Variants in PCDH15 observed in about 807,000 individuals in gnomAD.
The protein encoded by PCDH15 is protocadherin-15.
A neutral mutation model predicts 178.5 loss-of-function variants in PCDH15; 129 were observed. The ratio of observed to expected loss-of-function variants is 0.72; its 90% CI spans 0.63 to 0.84. PCDH15 has a LOEUF of 0.84. Among genes scored for constraint, PCDH15 ranks in the 40% least tolerant of loss-of-function variants. PCDH15 has a pLI of 0.00. For synonymous variants in PCDH15, 800 were observed against 732.0 expected (o/e 1.09, Z -1.50); for missense variants, 2,230 against 2,099.9 (o/e 1.06, Z -1.21).
chr10:54,353,726 A>G (rs1353961992), intron 5 of PCDH15, among the ~76,000 whole-genome samples: 1 of 152,016 alleles, frequency 6.6e-6, no homozygotes, highest in African/African-American at 2.4e-5. Flanking sequence ...TTAACATAAT[A>G]TGGTTTTCAT....
At chr10:55,565,857 G>A (rs953070788) in intron 2 of PCDH15, among the ~76,000 whole-genome samples, 5 of 151,650 alleles carry the variant, frequency 3.3e-5, no homozygotes, top group Middle Eastern at 3.4e-3. Context: ...AATATCTCCT[G>A]ACAACAAAAG....
chr10:54,752,476 CAAAAAA>C (rs755874514), intron 1 of PCDH15, among the ~76,000 whole-genome samples: 2 of 89,716 alleles, frequency 2.2e-5, no homozygotes, highest in Admixed American at 9.7e-5. Context: ...GACTCCGTCT[CAAAAAA>C]AAAAAAAAAC....
chr10:54,686,960 G>A (rs2095023569), intron 1 of PCDH15, among the ~76,000 whole-genome samples: 1 of 152,000 alleles, frequency 6.6e-6, no homozygotes, highest in Non-Finnish European at 1.5e-5. Flanking sequence ...TTTAAAAATG[G>A]GCTAAAGACT....
intron 2 of PCDH15, among the ~76,000 whole-genome samples, chr10:55,370,410 A>G (rs1845477367): frequency 1.3e-5 from 2 of 152,128 alleles, no homozygotes; most frequent in African/African-American, 4.8e-5. Context: ...ACCACTAATC[A>G]TGCCTTTTTC....
chr10:54,900,877 A>G (rs1954627261), intron 2 of PCDH15, among the ~76,000 whole-genome samples: 1 of 152,158 alleles, frequency 6.6e-6, no homozygotes, highest in Non-Finnish European at 1.5e-5. Flanking sequence ...TTGTAATTAG[A>G]GTATTATGAT....
At chr10:55,510,633 T>C (rs1304212583) in intron 2 of PCDH15, among the ~76,000 whole-genome samples, 3 of 151,924 alleles carry the variant, frequency 2.0e-5, no homozygotes, top group Non-Finnish European at 2.9e-5. Context: ...TTTTAAAATT[T>C]ATGTATTCTT....
chr10:54,307,100 GTGTGTATATATATATATATA>G lies in PCDH15; in HGVS notation c.876+10151_876+10170del, dbSNP rs2060581237. Among the ~76,000 whole-genome samples, 46 of 15,408 alleles carry G rather than the reference GTGTGTATATATATATATATA, an allele frequency of 3.0e-3. 1 individual carries two copies. The highest frequency in any genetic ancestry group is 5.2e-3 in the South Asian group (3 of 580). 10.1% of individuals were successfully genotyped at this position (15,408 alleles called of 152,430 possible). A position where few individuals can be genotyped will look rare whatever the true frequency, so the allele number is the denominator to read the frequency against. On this transcript the variant is annotated intron_variant, in intron 8 of 37. Transcript: ENST00000644397. Reference sequence around the variant, plus strand: ...TATATACATATATATATATGTGTGTGTGTGTATATATATATATATATATATATATATATATATATATATAT... The same window carrying G: ...TATATACATATATATATATGTGTGTGTATATATATATATATATATATATAT...
chr10:55,598,135 C>G (rs917760174), intron 2 of PCDH15, among the ~76,000 whole-genome samples: 1 of 152,024 alleles, frequency 6.6e-6, no homozygotes, highest in Non-Finnish European at 1.5e-5. Flanking sequence ...TTTGTGCCAG[C>G]CACCGCGGCC....
At chr10:54,513,241 GTTTATTTATTTA>G (rs201541722) in intron 3 of PCDH15, among the ~76,000 whole-genome samples, 2,286 of 145,962 alleles carry the variant, frequency 0.016, 28 homozygotes, top group Non-Finnish European at 0.024. Flanking sequence ...ATTTATTTTT[GTTTATTTATTTA>G]TTTATTTATT....
intron 2 of PCDH15, among the ~76,000 whole-genome samples, chr10:55,453,957 T>C (rs1333544345): frequency 1.3e-5 from 2 of 152,144 alleles, no homozygotes; most frequent in East Asian, 3.9e-4. Context: ...AAATCCCATA[T>C]ACAATAAAAA....
chr10:54,544,531 C>A (rs2085626923), intron 2 of PCDH15, among the ~76,000 whole-genome samples: 1 of 152,262 alleles, frequency 6.6e-6, no homozygotes, highest in African/African-American at 2.4e-5. Context: ...TTTTGAATAT[C>A]TGCTGCTATT....
At chr10:54,774,703 CA>C (rs936802942) in intron 1 of PCDH15, among the ~76,000 whole-genome samples, 3 of 151,998 alleles carry the variant, frequency 2.0e-5, no homozygotes, top group African/African-American at 7.2e-5. Flanking sequence ...ATTTAAATTC[CA>C]GTAGTAGGTA....
At chr10:55,480,858 G>A (rs933347023) in intron 2 of PCDH15, among the ~76,000 whole-genome samples, 1 of 151,858 alleles carries the variant, frequency 6.6e-6, no homozygotes, top group Non-Finnish European at 1.5e-5. Flanking sequence ...AATGTAATGA[G>A]TTAGGGAGGA....
At chr10:54,823,229 A>ACG (rs769673084) in intron 3 of PCDH15, among the ~76,000 whole-genome samples, 3 of 145,934 alleles carry the variant, frequency 2.1e-5, no homozygotes, top group Non-Finnish European at 4.6e-5. Flanking sequence ...ACACACACGC[A>ACG]CACGCACACG....
At chr10:55,411,057 G>A (rs1337783101) in intron 2 of PCDH15, among the ~76,000 whole-genome samples, 1 of 152,044 alleles carries the variant, frequency 6.6e-6, no homozygotes, top group Non-Finnish European at 1.5e-5. Flanking sequence ...TTGAAGAAAG[G>A]AAGAAAATAA....
intron 1 of PCDH15, among the ~76,000 whole-genome samples, chr10:54,752,503 AAACAAAAAACAAACAAAC>A (rs1946441778): frequency 2.4e-5 from 2 of 83,888 alleles, no homozygotes; most frequent in Non-Finnish European, 2.7e-5. Flanking sequence ...AAAAAACAAA[AAACAAAAAACAAACAAAC>A]AAACAAACAA....
intron 2 of PCDH15, among the ~76,000 whole-genome samples, chr10:55,113,546 T>C (rs1018470620): frequency 2.0e-5 from 3 of 152,158 alleles, no homozygotes; most frequent in Admixed American, 6.5e-5. Context: ...CATTTTACAA[T>C]TTTTTTCTTT....
Position 54,394,572 on chromosome 10 carries a change from G to A in PCDH15, c.158-15630C>T, listed in dbSNP as rs540703960. Among the ~76,000 whole-genome samples the A allele has an allele frequency of 2.6e-5, 4 of 152,300 alleles. No homozygotes were observed. In the South Asian group the frequency reaches 8.3e-4, roughly 32 times the overall value. On this transcript the variant is annotated intron_variant, in intron 3 of 37. Transcript: ENST00000644397. ...ATATCACAAGGCAAGTGGAGGCAGG[G>A]CAAGATCACAGGACCGCAGGACCGA...
At chr10:55,509,112 A>C (rs940707854) in intron 2 of PCDH15, among the ~76,000 whole-genome samples, 1 of 151,928 alleles carries the variant, frequency 6.6e-6, no homozygotes, top group Middle Eastern at 3.4e-3. Flanking sequence ...AGTAAGGCAA[A>C]GAGAGATAAG....
Sources: allele counts gnomAD v4.1 joint callset (sites outside exome capture counted in the v4.1 genomes callset), GRCh38; gene constraint gnomAD v4.1.1; transcripts MANE v1.5; gene names NCBI Gene and HGNC (gene_info 2026-07-23, HGNC 2026-07-21).